The following DHRSX variants were observed in gnomAD, a reference collection of about 807,000 sequenced individuals.
The protein encoded by DHRSX is polyprenol dehydrogenase.
In DHRSX, 31 loss-of-function variants were observed where a neutral mutation model predicts 34.0. That is an observed-to-expected ratio of 0.91 (90% confidence interval 0.69 to 1.23). The LOEUF (loss-of-function observed/expected upper bound fraction) is 1.23, where lower values mean the gene tolerates loss of function less well. DHRSX is among the 50% of genes most tolerant of loss of function. DHRSX has a pLI of 0.00. For synonymous variants in DHRSX, 201 were observed against 183.8 expected (o/e 1.09, Z -0.76); for missense variants, 414 against 428.1 (o/e 0.97, Z 0.29).
intron 2 of DHRSX, among the ~76,000 whole-genome samples, chrX:2,412,970 G>A (rs1002062870): frequency 2.6e-5 from 4 of 152,322 alleles, no homozygotes; most frequent in Non-Finnish European, 5.9e-5. Flanking sequence ...GCCAAGGCAG[G>A]TGGATCACAA....
Position 2,349,854 on chromosome X carries a change from G to A in DHRSX, c.287-58251C>T, listed in dbSNP as rs35474006. Among the ~76,000 whole-genome samples the A allele has an allele frequency of 2.7e-5, 4 of 147,934 alleles. No individual in the cohort carries two copies. In the East Asian group the frequency reaches 6.1e-4, roughly 23 times the overall value. On this transcript the variant is annotated intron_variant, in intron 3 of 6. Transcript: ENST00000334651. ...CAGATCGAGACCATCCTGGCTAACA[G>A]GGTGAAACCCCGTTTCCACTAAAAA...
At chrX:2,426,547 TTCC>T (rs2043850746) in intron 1 of DHRSX, among the ~76,000 whole-genome samples, 1 of 145,702 alleles carries the variant, frequency 6.9e-6, no homozygotes, top group Non-Finnish European at 1.5e-5. Context: ...CCTTCCTTCT[TTCC>T]TTCCTTCCTT....
At chrX:2,359,563 C>T (rs760398667) in intron 3 of DHRSX, among the ~76,000 whole-genome samples, 1 of 151,744 alleles carries the variant, frequency 6.6e-6, no homozygotes, top group African/African-American at 2.4e-5. Context: ...ACCTGTAATC[C>T]CAGCTACTTG....
At chrX:2,346,958 G>C (rs1200804078) in intron 3 of DHRSX, among the ~76,000 whole-genome samples, 2 of 152,088 alleles carry the variant, frequency 1.3e-5, no homozygotes, top group African/African-American at 2.4e-5. Flanking sequence ...CTTCATCCAT[G>C]TCCCTGCAAA....
chrX:2,264,825 G>T (rs754142665), intron 5 of DHRSX, among the ~76,000 whole-genome samples: 1 of 148,894 alleles, frequency 6.7e-6, no homozygotes, highest in South Asian at 2.2e-4. Flanking sequence ...CTCAGGAGAT[G>T]CAAGGAGCAC....
chrX:2,399,308 C>G (rs1374948055), intron 3 of DHRSX, among the ~76,000 whole-genome samples: 5 of 151,802 alleles, frequency 3.3e-5, no homozygotes, highest in Non-Finnish European at 7.4e-5. Flanking sequence ...ACGCATATGC[C>G]TGTCTACAGC....
intron 1 of DHRSX, chrX:2,490,079 G>A: frequency 6.2e-7 from 1 of 1,613,798 alleles, no homozygotes; most frequent in Non-Finnish European, 8.5e-7. Context: ...GAAGTGGGCG[G>A]CCAGCGTGAC....
chrX:2,396,375 C>CTTTT (rs1204243041), intron 3 of DHRSX, among the ~76,000 whole-genome samples: 12,282 of 99,040 alleles, frequency 0.12, 1,334 homozygotes, highest in Non-Finnish European at 0.18. Flanking sequence ...CTTTCTTTTT[C>CTTTT]TTTTTTTTTT....
chrX:2,331,443 T>TTTTTG (rs2042474015), intron 3 of DHRSX, among the ~76,000 whole-genome samples: 1 of 68,948 alleles, frequency 1.5e-5, no homozygotes. Context: ...TTGGTTTTTT[T>TTTTTG]TTTTTTTTTT....
intron 1 of DHRSX, among the ~76,000 whole-genome samples, chrX:2,448,118 A>G (rs35176769): frequency 0.28 from 40,396 of 146,474 alleles, 5,960 homozygotes; most frequent in South Asian, 0.4. Context: ...CAGGAGGATC[A>G]CTTCAGCCCA....
intron 6 of DHRSX, among the ~76,000 whole-genome samples, chrX:2,222,873 C>G (rs1476039650): frequency 6.6e-6 from 1 of 152,176 alleles, no homozygotes; most frequent in Non-Finnish European, 1.5e-5. Context: ...GTAGACAATC[C>G]AGTGTGCCCA....
chrX:2,223,051 C>T (rs914968100), intron 6 of DHRSX, among the ~76,000 whole-genome samples: 20 of 152,232 alleles, frequency 1.3e-4, no homozygotes, highest in African/African-American at 4.6e-4. Flanking sequence ...TGGAAATCAC[C>T]TAGGGGTGCC....
intron 2 of DHRSX, among the ~76,000 whole-genome samples, chrX:2,423,431 A>G (rs886578601): frequency 8.6e-5 from 13 of 151,980 alleles, no homozygotes; most frequent in Admixed American, 2.0e-4. Context: ...AATAATAAAT[A>G]AATAAATAAA....
chrX:2,236,904 G>C (rs746881455), intron 6 of DHRSX, among the ~76,000 whole-genome samples: 2 of 152,056 alleles, frequency 1.3e-5, no homozygotes, highest in South Asian at 2.1e-4. Flanking sequence ...AAAGAAATGG[G>C]GGGGCTGGGT....
intron 3 of DHRSX, among the ~76,000 whole-genome samples, chrX:2,311,297 T>A (rs1216925374): frequency 6.6e-6 from 1 of 151,926 alleles, no homozygotes; most frequent in Non-Finnish European, 1.5e-5. Flanking sequence ...CATGGTGGGA[T>A]AAATAAGTGG....
intron 5 of DHRSX, chrX:2,261,690 G>C (rs2041365471): frequency 6.6e-6 from 1 of 151,886 alleles, no homozygotes; most frequent in Admixed American, 6.6e-5. Flanking sequence ...AGAATTGCTT[G>C]AACCCGGGAG....
At chrX:2,274,756 G>A (rs146367118) in intron 4 of DHRSX, among the ~76,000 whole-genome samples, 5,397 of 152,072 alleles carry the variant, frequency 0.035, 336 homozygotes, top group African/African-American at 0.12. Flanking sequence ...AAACCACAGT[G>A]TCACGGAGAC....
At chrX:2,461,497 T>A (rs1357798399) in intron 1 of DHRSX, among the ~76,000 whole-genome samples, 1 of 152,196 alleles carries the variant, frequency 6.6e-6, no homozygotes, top group Non-Finnish European at 1.5e-5. Context: ...AGAACCCAAC[T>A]GAAATCCCGG....
chrX:2,294,694 AAG>A (rs2041909246), intron 3 of DHRSX, among the ~76,000 whole-genome samples: 1 of 151,548 alleles, frequency 6.6e-6, no homozygotes, highest in South Asian at 2.1e-4. Context: ...GAAAGAGGCA[AAG>A]AGAGAGAGCG....
Sources: gnomAD v4.1 joint callset for allele counts (sites outside exome capture counted in the v4.1 genomes callset) on GRCh38, gnomAD v4.1.1 for gene constraint, MANE v1.5 for transcripts, NCBI Gene and HGNC (gene_info 2026-07-23, HGNC 2026-07-21) for gene names.